The following STOX2 variants were observed in gnomAD, a reference collection of about 807,000 sequenced individuals.
STOX2 encodes storkhead box 2, also known as storkhead-box protein 2.
Under a neutral mutation model 60.9 loss-of-function variants are expected in STOX2, and 28 were observed. The ratio of observed to expected loss-of-function variants is 0.46; its 90% confidence interval spans 0.34 to 0.63. The LOEUF is 0.63. Ranked by LOEUF, STOX2 falls within the 30% of genes least tolerant of loss-of-function variation. STOX2 has a pLI of 0.01. For synonymous variants in STOX2, 472 were observed against 463.9 expected (o/e 1.02, Z -0.22); for missense variants, 1,024 against 1,187.7 (o/e 0.86, Z 2.03).
At chr4:183,799,555 C>T (rs1016760475) in intron 1 of STOX2, among the ~76,000 whole-genome samples, 1 of 152,112 alleles carries the variant, frequency 6.6e-6, no homozygotes, top group Non-Finnish European at 1.5e-5. Flanking sequence ...AGTAGTATAA[C>T]TCAAAAATAT....
At chr4:183,981,499 G>A (rs1732657244) in intron 1 of STOX2, among the ~76,000 whole-genome samples, 1 of 151,880 alleles carries the variant, frequency 6.6e-6, no homozygotes, top group African/African-American at 2.4e-5. Context: ...TCCAAATGCT[G>A]TGTAATAAAA....
At chr4:183,834,379 A>G (rs1739650983) in intron 1 of STOX2, among the ~76,000 whole-genome samples, 1 of 152,076 alleles carries the variant, frequency 6.6e-6, no homozygotes, top group South Asian at 2.1e-4. Context: ...TATTTTCCCC[A>G]GCCAGAGCAG....
chr4:183,850,044 A>G (rs912154331), intron 1 of STOX2, among the ~76,000 whole-genome samples: 2 of 151,446 alleles, frequency 1.3e-5, no homozygotes, highest in African/African-American at 4.9e-5. Flanking sequence ...GCTCACCATA[A>G]CCTCCACCTC....
upstream of STOX2, among the ~76,000 whole-genome samples, chr4:183,904,846 T>C (rs1741543968): frequency 6.6e-6 from 1 of 152,234 alleles, no homozygotes; most frequent in African/African-American, 2.4e-5. Flanking sequence ...ACTTCCTGAA[T>C]CCTAACCAGC....
At chr4:184,006,713 GA>G (rs754245578) in intron 2 of STOX2, among the ~76,000 whole-genome samples, 5 of 117,096 alleles carry the variant, frequency 4.3e-5, no homozygotes, top group African/African-American at 9.7e-5. Context: ...AAGGAAAAAA[GA>G]AAAAAATTCA....
intron 1 of STOX2, among the ~76,000 whole-genome samples, chr4:183,871,565 G>A (rs1391031196): frequency 6.6e-6 from 1 of 152,144 alleles, no homozygotes; most frequent in African/African-American, 2.4e-5. Flanking sequence ...GGAGCCCTCA[G>A]CAGCACATAA....
intron 1 of STOX2, among the ~76,000 whole-genome samples, chr4:183,841,779 A>G (rs2111131687): frequency 6.6e-6 from 1 of 152,360 alleles, no homozygotes; most frequent in South Asian, 2.1e-4. Flanking sequence ...TTATTGGATG[A>G]ATGATGAAAT....
intron 1 of STOX2, among the ~76,000 whole-genome samples, chr4:183,816,442 A>G (rs112767147): frequency 9.2e-5 from 14 of 152,320 alleles, no homozygotes; most frequent in African/African-American, 3.1e-4. Flanking sequence ...GCGGGAGCAA[A>G]ACAATGGGTA....
chr4:183,831,356 T>C (rs1379873303), intron 1 of STOX2, among the ~76,000 whole-genome samples: 2 of 152,158 alleles, frequency 1.3e-5, no homozygotes, highest in Non-Finnish European at 2.9e-5. Flanking sequence ...GAACTTGGAA[T>C]CTTACGTTAT....
At chr4:183,870,526 A>T in intron 1 of STOX2, among the ~76,000 whole-genome samples, 1 of 152,178 alleles carries the variant, frequency 6.6e-6, no homozygotes, top group East Asian at 1.9e-4. Flanking sequence ...AATATTGTTT[A>T]TTGGGACAAT....
At chr4:183,989,787 A>G (rs1416005705) in intron 1 of STOX2, among the ~76,000 whole-genome samples, 1 of 152,210 alleles carries the variant, frequency 6.6e-6, no homozygotes, top group Non-Finnish European at 1.5e-5. Flanking sequence ...ACGAAATGGT[A>G]AATTTTGGTC....
chr4:183,998,543 AT>A (rs1172866829), intron 1 of STOX2, among the ~76,000 whole-genome samples: 1 of 152,056 alleles, frequency 6.6e-6, no homozygotes, highest in Non-Finnish European at 1.5e-5. Context: ...CACATTTCTT[AT>A]GTGTTTATTG....
At chr4:183,975,421 A>G (rs530904578) in intron 1 of STOX2, among the ~76,000 whole-genome samples, 14 of 152,318 alleles carry the variant, frequency 9.2e-5, no homozygotes, top group African/African-American at 3.4e-4. Context: ...GTATATCAAG[A>G]GCTGATAAAC....
intron 1 of STOX2, among the ~76,000 whole-genome samples, chr4:183,813,583 G>A (rs1009656198): frequency 3.7e-4 from 56 of 152,142 alleles, no homozygotes; most frequent in African/African-American, 1.3e-3. Context: ...TACCGAGGGA[G>A]GCCTGTGTGT....
chr4:183,825,294 C>G lies in STOX2; in HGVS notation c.364+27239C>G, dbSNP rs909507137. Among the ~76,000 whole-genome samples the G allele has an allele frequency of 6.6e-6, 1 of 152,086 alleles. No individual in the cohort carries two copies. Among genetic ancestry groups the G allele is most frequent in the Non-Finnish European group, 1.5e-5 (1 of 68,014 alleles). ...GAGGCTGTGGGCGAGGAAGGAAGGACGTGTTCTTAGGAGGGAGATGCAGCT... is the reference window on the plus strand; with the variant it reads ...GAGGCTGTGGGCGAGGAAGGAAGGAGGTGTTCTTAGGAGGGAGATGCAGCT... On this transcript the variant is annotated intron_variant, in intron 1 of 2. Transcript: ENST00000513034. This position sits in a 1 kb window ranked among gnomAD's most constrained non-coding sequence, Gnocchi z 4.1.
intron 1 of STOX2, among the ~76,000 whole-genome samples, chr4:183,892,560 G>C (rs1264292201): frequency 6.6e-6 from 1 of 152,196 alleles, no homozygotes; most frequent in Non-Finnish European, 1.5e-5. Flanking sequence ...GATTACAGGC[G>C]TGAGCCACCG....
chr4:183,897,868 G>T lies in STOX2; in HGVS notation c.364+99813G>T, dbSNP rs569055980. Among the ~76,000 whole-genome samples the T allele has an allele frequency of 8.5e-5, 13 of 152,236 alleles. No homozygotes were observed. The East Asian group carries it at 2.5e-3, about 29-fold the overall frequency. On this transcript the variant is annotated intron_variant, in intron 1 of 2. Transcript: ENST00000513034. ...TGCATTCACATTGGGGCTTCTCCAC[G>T]CTGGTTAACATAAAAAGTGAAACAT...
chr4:183,957,268 G>T (rs1256071244), intron 1 of STOX2, among the ~76,000 whole-genome samples: 1 of 151,774 alleles, frequency 6.6e-6, no homozygotes, highest in Admixed American at 6.6e-5. Flanking sequence ...GGTGGTGGCA[G>T]CCTGATTTCT....
chr4:183,846,257 T>C (rs1170934520), intron 1 of STOX2, among the ~76,000 whole-genome samples: 3 of 152,234 alleles, frequency 2.0e-5, no homozygotes, highest in East Asian at 1.9e-4. Context: ...AGTTACATTA[T>C]AATGTATCTT....
Sources: allele counts gnomAD v4.1 joint callset (sites outside exome capture counted in the v4.1 genomes callset), GRCh38; gene constraint gnomAD v4.1.1; non-coding constraint Gnocchi (gnomAD v3.1); transcripts MANE v1.5; gene names NCBI Gene and HGNC (gene_info 2026-07-23, HGNC 2026-07-21).